SGCD: variants seen among roughly 807,000 people sequenced by gnomAD.
The protein encoded by SGCD is delta-sarcoglycan.
Under a neutral mutation model 36.6 loss-of-function variants are expected in SGCD, and 18 were observed. The ratio of observed to expected loss-of-function variants is 0.49; its 90% CI spans 0.34 to 0.73. The LOEUF is 0.73. Ranked by LOEUF, SGCD falls within the 30% of genes least tolerant of loss-of-function variation. The pLI is 0.01. For synonymous variants in SGCD, 133 were observed against 130.6 expected, an observed-to-expected ratio of 1.02 and a Z score of -0.12; for missense variants, 387 against 346.7, an observed-to-expected ratio of 1.12 and a Z score of -0.92.
At chr5:155,798,288 A>G in the SGCD span, among the ~76,000 whole-genome samples, 1 of 152,208 alleles carries the variant, frequency 6.6e-6, no homozygotes, top group African/African-American at 2.4e-5. Flanking sequence ...CTGATTTAGC[A>G]TACTTTGTTT....
chr5:156,185,850 T>TAGAGAGAG (rs201378824), intron 3 of SGCD, among the ~76,000 whole-genome samples: 167 of 48,538 alleles, frequency 3.4e-3, no homozygotes, highest in Non-Finnish European at 5.0e-3. Context: ...TATATATATA[T>TAGAGAGAG]AGAGAGAGAG....
chr5:156,606,820 A>G (rs1050525463), intron 6 of SGCD, among the ~76,000 whole-genome samples: 15 of 152,072 alleles, frequency 9.9e-5, no homozygotes, highest in East Asian at 3.9e-4. Context: ...TTGTGATTGG[A>G]AGTTCACTCA....
chr5:156,182,796 C>T (rs1044668695), intron 3 of SGCD, among the ~76,000 whole-genome samples: 3 of 152,126 alleles, frequency 2.0e-5, no homozygotes, highest in African/African-American at 7.2e-5. Flanking sequence ...TGAGTTTGGC[C>T]ATGTGATTTG....
chr5:156,662,970 A>C (rs1245886683), intron 7 of SGCD, among the ~76,000 whole-genome samples: 3 of 150,420 alleles, frequency 2.0e-5, no homozygotes, highest in Admixed American at 2.0e-4. Context: ...GACCGCCCCT[A>C]AAAAGGATAC....
intron 6 of SGCD, among the ~76,000 whole-genome samples, chr5:156,616,105 C>A (rs934053500): frequency 1.3e-5 from 2 of 150,590 alleles, no homozygotes; most frequent in Non-Finnish European, 2.9e-5. Context: ...AAAACTTAGT[C>A]TCTCTCTCTT....
intron 3 of SGCD, among the ~76,000 whole-genome samples, chr5:156,433,110 A>G (rs1386283334): frequency 5.9e-5 from 9 of 152,194 alleles, no homozygotes; most frequent in Admixed American, 5.2e-4. Context: ...AATTTTTGTG[A>G]CTTACAACAA....
At chr5:156,459,081 G>A (rs568935662) in intron 3 of SGCD, among the ~76,000 whole-genome samples, 1 of 151,844 alleles carries the variant, frequency 6.6e-6, no homozygotes, top group Non-Finnish European at 1.5e-5. Context: ...CAAAGTGAAG[G>A]GAAAAAAAAT....
intron 1 of SGCD, among the ~76,000 whole-genome samples, chr5:155,933,069 G>C (rs1307779069): frequency 6.6e-6 from 1 of 152,202 alleles, no homozygotes; most frequent in Non-Finnish European, 1.5e-5. Flanking sequence ...TAGAGACAGG[G>C]CTGCAACTAG....
chr5:156,673,033 T>C (rs566510263), intron 7 of SGCD, among the ~76,000 whole-genome samples: 50 of 152,350 alleles, frequency 3.3e-4, no homozygotes, highest in African/African-American at 1.1e-3. Flanking sequence ...CTACACGTCT[T>C]CATTTTTGGA....
At chr5:156,279,577 T>C (rs569813217) in intron 3 of SGCD, among the ~76,000 whole-genome samples, 1 of 152,262 alleles carries the variant, frequency 6.6e-6, no homozygotes, top group Admixed American at 6.5e-5. Flanking sequence ...GTAAAATATA[T>C]TCAAAAATTT....
intron 1 of SGCD, among the ~76,000 whole-genome samples, chr5:155,951,935 C>T (rs1005366276): frequency 6.6e-6 from 1 of 152,190 alleles, no homozygotes; most frequent in African/African-American, 2.4e-5. Flanking sequence ...CAAATCAGAA[C>T]AGTCTGTGAC....
the SGCD span, among the ~76,000 whole-genome samples, chr5:155,842,681 G>A: frequency 7.9e-5 from 12 of 152,124 alleles, no homozygotes; most frequent in African/African-American, 2.9e-4. Flanking sequence ...ATGAGCAGCT[G>A]TATTATGAAA....
chr5:155,903,544 CCT>C (rs1482834058), intron 1 of SGCD, among the ~76,000 whole-genome samples: 8 of 152,094 alleles, frequency 5.3e-5, no homozygotes, highest in African/African-American at 1.7e-4. Flanking sequence ...TGAGCAGGAG[CCT>C]CTGAGTGAAG....
At chr5:156,734,738 G>A (rs1356868832) in intron 7 of SGCD, among the ~76,000 whole-genome samples, 1 of 151,988 alleles carries the variant, frequency 6.6e-6, no homozygotes, top group African/African-American at 2.4e-5. Context: ...CTCTATACTG[G>A]CTATTTTGGC....
At chr5:156,004,410 T>C (rs1758718539) in intron 1 of SGCD, among the ~76,000 whole-genome samples, 1 of 152,224 alleles carries the variant, frequency 6.6e-6, no homozygotes, top group Non-Finnish European at 1.5e-5. Context: ...ACTGAGAAAC[T>C]GTGGTGTTCC....
intron 1 of SGCD, among the ~76,000 whole-genome samples, chr5:156,069,628 A>G (rs1760471294): frequency 6.6e-6 from 1 of 151,994 alleles, no homozygotes; most frequent in South Asian, 2.1e-4. Flanking sequence ...GTTCCATATG[A>G]ACTTTAAAGT....
chr5:155,740,166 A>G, the SGCD span, among the ~76,000 whole-genome samples: 1 of 152,184 alleles, frequency 6.6e-6, no homozygotes, highest in South Asian at 2.1e-4. Context: ...TGGCACAATC[A>G]TGGCTCACTG....
At chr5:156,681,422 T>C (rs1028928806) in intron 7 of SGCD, among the ~76,000 whole-genome samples, 3 of 152,148 alleles carry the variant, frequency 2.0e-5, no homozygotes, top group African/African-American at 7.2e-5. Context: ...ACGCAGCCAC[T>C]GGTGTTGCTC....
intron 3 of SGCD, among the ~76,000 whole-genome samples, chr5:156,264,051 T>TAA (rs201884680): frequency 2.9e-4 from 43 of 150,814 alleles, no homozygotes; most frequent in African/African-American, 9.5e-4. Flanking sequence ...AGATTGATTG[T>TAA]AAAAAAAAAG....
Sources: allele counts gnomAD v4.1 joint callset (sites outside exome capture counted in the v4.1 genomes callset), GRCh38; gene constraint gnomAD v4.1.1; transcripts MANE v1.5; gene names NCBI Gene and HGNC (gene_info 2026-07-23, HGNC 2026-07-21).